PDE4D: variants seen among roughly 807,000 people sequenced by gnomAD.
PDE4D encodes the protein phosphodiesterase 4D.
Under a neutral mutation model 87.4 loss-of-function variants are expected in PDE4D, and 24 were observed. The observed-to-expected ratio is 0.27, with a 90% confidence interval of 0.20 to 0.39. The LOEUF is 0.39. PDE4D is among the 10% of genes least tolerant of loss of function. The pLI is 1.00. For synonymous variants in PDE4D, 384 were observed against 383.2 expected (o/e 1.00, Z -0.02); for missense variants, 714 against 1,041.0 (o/e 0.69, Z 4.32).
At chr5:59,215,095 C>A (rs1323616468) in intron 2 of PDE4D, among the ~76,000 whole-genome samples, 1 of 152,134 alleles carries the variant, frequency 6.6e-6, no homozygotes, top group Non-Finnish European at 1.5e-5. Flanking sequence ...GAAAAACATG[C>A]ACACTACCAC....
intron 1 of PDE4D, among the ~76,000 whole-genome samples, chr5:60,433,710 G>A (rs575380841): frequency 6.6e-6 from 1 of 152,148 alleles, no homozygotes; most frequent in African/African-American, 2.4e-5. Context: ...AGAAAATGTG[G>A]TACATATACA....
At chr5:60,237,982 TC>T (rs1746620794) in intron 1 of PDE4D, among the ~76,000 whole-genome samples, 1 of 151,940 alleles carries the variant, frequency 6.6e-6, no homozygotes, top group Non-Finnish European at 1.5e-5. Flanking sequence ...TTTACCTCCT[TC>T]CCTACCTCCC....
At chr5:59,860,606 C>T (rs1185656343) in intron 1 of PDE4D, among the ~76,000 whole-genome samples, 2 of 151,960 alleles carry the variant, frequency 1.3e-5, no homozygotes, top group Non-Finnish European at 2.9e-5. Context: ...CCTAAAAGAC[C>T]ACATTCTAAT....
At chr5:60,501,298 A>G (rs937553118) in intron 1 of PDE4D, among the ~76,000 whole-genome samples, 4 of 151,756 alleles carry the variant, frequency 2.6e-5, no homozygotes, top group African/African-American at 9.7e-5. Flanking sequence ...ATGATTTCCA[A>G]TTTCATCCAT....
rs180922857 is a variant in PDE4D, at chr5:59,559,474, G to A, written c.455+333694C>T. Among the ~76,000 whole-genome samples the A allele has an allele frequency of 5.4e-3, 818 of 152,226 alleles. 10 individuals carry two copies. The highest frequency in any genetic ancestry group is 4.0e-3 in the Non-Finnish European group (274 of 67,998). ...ACGAACAGAAAAAAATTAAATGTTT[G>A]TTTTGGAGAAGTTTCATGCTGTTAA... On this transcript the variant is annotated intron_variant, in intron 1 of 14. Transcript: ENST00000340635.
chr5:59,270,316 G>A (rs188371559), intron 1 of PDE4D, among the ~76,000 whole-genome samples: 51 of 152,168 alleles, frequency 3.4e-4, no homozygotes, highest in Admixed American at 7.2e-4. Flanking sequence ...ATTTGTTTGC[G>A]TATTTACAAG....
chr5:59,852,182 C>G (rs572958297), intron 1 of PDE4D, among the ~76,000 whole-genome samples: 1 of 152,092 alleles, frequency 6.6e-6, no homozygotes, highest in East Asian at 1.9e-4. Context: ...AGAAAGCAGT[C>G]TTCTTCACTG....
At chr5:59,814,229 C>T (rs553708646) in intron 1 of PDE4D, among the ~76,000 whole-genome samples, 1 of 152,288 alleles carries the variant, frequency 6.6e-6, no homozygotes, top group East Asian at 1.9e-4. Flanking sequence ...TGGGACACAA[C>T]CATTCCCATT....
At chr5:60,507,453 T>C (rs1039421740) in intron 1 of PDE4D, among the ~76,000 whole-genome samples, 2 of 152,216 alleles carry the variant, frequency 1.3e-5, no homozygotes, top group African/African-American at 2.4e-5. Context: ...GCTATAAATA[T>C]CTTTATACAT....
intron 1 of PDE4D, among the ~76,000 whole-genome samples, chr5:59,326,402 T>C (rs1415189028): frequency 6.6e-6 from 1 of 152,062 alleles, no homozygotes; most frequent in Non-Finnish European, 1.5e-5. Context: ...TTTCCCTCTC[T>C]GTGATTCTGG....
At chr5:60,377,360 G>T (rs1271260114) in intron 1 of PDE4D, among the ~76,000 whole-genome samples, 1 of 152,138 alleles carries the variant, frequency 6.6e-6, no homozygotes, top group Non-Finnish European at 1.5e-5. Context: ...CCCATTTGGG[G>T]TAACAATCCT....
chr5:60,387,808 G>T lies in PDE4D; in HGVS notation c.-90+100134C>A, dbSNP rs894807018. Reference sequence around the variant, plus strand: ...ATCAAGCAGTGGACACCAACTGGGGGTCCTCTAATTCAATTCTGCCACTAT... The same window carrying T: ...ATCAAGCAGTGGACACCAACTGGGGTTCCTCTAATTCAATTCTGCCACTAT... On this transcript the variant is annotated intron_variant, in intron 1 of 16. Transcript: ENST00000502484. 2.0e-5 allele frequency among the ~76,000 whole-genome samples: 3 copies of T among 152,110 alleles called. No individual in the cohort carries two copies. The East Asian group carries it at 5.8e-4, about 29-fold the overall frequency.
chr5:59,583,229 C>T (rs1824494871), intron 1 of PDE4D, among the ~76,000 whole-genome samples: 1 of 152,170 alleles, frequency 6.6e-6, no homozygotes, highest in Non-Finnish European at 1.5e-5. Flanking sequence ...ATGTTAGTCA[C>T]ACTGTGTTAG....
intron 1 of PDE4D, among the ~76,000 whole-genome samples, chr5:60,187,048 G>C (rs555580093): frequency 6.6e-6 from 1 of 152,280 alleles, no homozygotes; most frequent in East Asian, 1.9e-4. Flanking sequence ...CTGTGGCTAA[G>C]AATATCTCTG....
chr5:60,345,552 A>G (rs2149909228), intron 1 of PDE4D, among the ~76,000 whole-genome samples: 1 of 147,320 alleles, frequency 6.8e-6, no homozygotes, highest in Non-Finnish European at 1.5e-5. Flanking sequence ...TAAATAAAAG[A>G]GCTCTTCCCT....
At chr5:59,448,190 T>C (rs754321849) in intron 1 of PDE4D, among the ~76,000 whole-genome samples, 2 of 152,208 alleles carry the variant, frequency 1.3e-5, no homozygotes, top group Non-Finnish European at 2.9e-5. Flanking sequence ...AATAAAATGG[T>C]ACCTTCTCTA....
intron 1 of PDE4D, among the ~76,000 whole-genome samples, chr5:59,241,819 A>G (rs1467432961): frequency 6.6e-6 from 1 of 152,206 alleles, no homozygotes; most frequent in Non-Finnish European, 1.5e-5. Flanking sequence ...CCAAATCAGT[A>G]CATTTTGAAA....
At chr5:59,471,746 G>C (rs1802481610) in intron 1 of PDE4D, among the ~76,000 whole-genome samples, 1 of 152,156 alleles carries the variant, frequency 6.6e-6, no homozygotes, top group Non-Finnish European at 1.5e-5. Flanking sequence ...CAAGCAGTTT[G>C]GCTTTAACTG....
At chr5:59,288,503 A>T (rs1391266346) in intron 1 of PDE4D, among the ~76,000 whole-genome samples, 1 of 152,064 alleles carries the variant, frequency 6.6e-6, no homozygotes, top group Non-Finnish European at 1.5e-5. Context: ...CTTAAAAAAA[A>T]GTTAGAAAGA....
Sources: allele counts gnomAD v4.1 joint callset (sites outside exome capture counted in the v4.1 genomes callset), GRCh38; gene constraint gnomAD v4.1.1; transcripts MANE v1.5; gene names NCBI Gene and HGNC (gene_info 2026-07-23, HGNC 2026-07-21).